S100A9: variants seen among roughly 807,000 people sequenced by gnomAD.
The protein encoded by S100A9 is protein S100-A9.
A neutral mutation model predicts 4.3 loss-of-function variants in S100A9; 2 were observed. That is an observed-to-expected ratio of 0.47 (90% CI 0.19 to 1.48). The LOEUF is 1.48. Among genes scored for constraint, S100A9 ranks in the 40% most tolerant of loss-of-function variants. The probability of loss-of-function intolerance (pLI) is 0.24; values close to 1 mark genes in which losing one functional copy is unlikely to be tolerated. For missense variants in S100A9, 130 were observed against 144.4 expected, an observed-to-expected ratio of 0.90 and a Z score of 0.51; for synonymous variants, 67 against 54.0, an observed-to-expected ratio of 1.24 and a Z score of -1.06.
chr1:153,360,280 A>G (rs1309731283), intron 2 of S100A9, among the ~76,000 whole-genome samples: 1 of 152,144 alleles, frequency 6.6e-6, no homozygotes, highest in African/African-American at 2.4e-5. Flanking sequence ...GACTGGTTTC[A>G]AGTCTTCCTC....
intron 2 of S100A9, among the ~76,000 whole-genome samples, chr1:153,359,059 C>A (rs1473999618): frequency 6.6e-6 from 1 of 152,104 alleles, no homozygotes; most frequent in Non-Finnish European, 1.5e-5. Flanking sequence ...GCACAGCACT[C>A]AGGGAACTGG....
intron 2 of S100A9, among the ~76,000 whole-genome samples, chr1:153,359,527 C>T (rs1661407675): frequency 6.6e-6 from 1 of 151,966 alleles, no homozygotes; most frequent in Admixed American, 6.5e-5. Context: ...GGATGGGCTG[C>T]ACAGGAGAGT....
At chr1:153,360,584 G>A in intron 2 of S100A9, 60 bp from the exon 3 acceptor site, 1 of 1,134,190 alleles carries the variant, frequency 8.8e-7, no homozygotes, top group Non-Finnish European at 1.3e-6. Context: ...CATTTACTGT[G>A]CTCCCAGTCC....
intron 2 of S100A9, among the ~76,000 whole-genome samples, chr1:153,359,476 A>G (rs1452436143): frequency 2.6e-5 from 4 of 151,758 alleles, no homozygotes; most frequent in Admixed American, 2.6e-4. Context: ...ATCCCCCACC[A>G]GAAGCAAAGC....
At chr1:153,360,063 C>T (rs1271756049) in intron 2 of S100A9, among the ~76,000 whole-genome samples, 1 of 152,054 alleles carries the variant, frequency 6.6e-6, no homozygotes, top group African/African-American at 2.4e-5. Flanking sequence ...CTCCATCTCC[C>T]CTGCCCACAC....
At chr1:153,359,351 G>A (rs1466165654) in intron 2 of S100A9, among the ~76,000 whole-genome samples, 1 of 152,050 alleles carries the variant, frequency 6.6e-6, no homozygotes, top group African/African-American at 2.4e-5. Context: ...ATAGGTGGAG[G>A]CCTCAGGCAG....
At chr1:153,360,293 G>A (rs1661424203) in intron 2 of S100A9, among the ~76,000 whole-genome samples, 1 of 152,098 alleles carries the variant, frequency 6.6e-6, no homozygotes, top group African/African-American at 2.4e-5. Flanking sequence ...TCTTCCTCCA[G>A]GAAGATACCA....
Position 153,360,845 on chromosome 1 carries a change from A to G in S100A9, c.*7A>G. Reference sequence around the variant, plus strand: ...CGGGGAGGGCACCCCCTAAGACCACAGTGGCCAAGATCACAGTGGCCACGG... The same window carrying G: ...CGGGGAGGGCACCCCCTAAGACCACGGTGGCCAAGATCACAGTGGCCACGG... On this transcript the variant is annotated 3_prime_UTR_variant, in exon 3 of 3. Coordinates refer to ENST00000368738, the MANE Select transcript of S100A9 (RefSeq NM_002965.4). 1 of 1,584,486 alleles carries G rather than the reference A, an allele frequency of 6.3e-7. No individual in the cohort carries two copies. Among genetic ancestry groups the G allele is most frequent in the Non-Finnish European group, 8.6e-7 (1 of 1,163,846 alleles).
In S100A9 at chr1:153,359,394, C is replaced by T. The variant is rs963666688; in HGVS notation, c.150+961C>T. 2.0e-5 allele frequency among the ~76,000 whole-genome samples: 3 copies of T among 152,150 alleles called. No individual in the cohort carries two copies. The East Asian group carries it at 5.8e-4, about 29-fold the overall frequency. On this transcript the variant is annotated intron_variant, in intron 2 of 2. Transcript: ENST00000368738. ...GCTGGGTGGGGTAGGCAAGAAAGGG[C>T]CCAGCAGAGAGGCCGCATGGCAAAA...
chr1:153,360,555 T>C lies in S100A9; in HGVS notation c.151-89T>C, dbSNP rs949885963. ...TCCAGCCCCAGGGTGAGGCTTCCCT[T>C]GTACATTTGCCAGCTGGTCATTTAC... On this transcript the variant is annotated intron_variant, in intron 2 of 2. Transcript: ENST00000368738. 9.4e-6 allele frequency: 8 copies of C among 854,158 alleles called. No homozygotes were observed. The African/African-American group carries it at 1.4e-4, about 15-fold the overall frequency. The allele number at this position is 854,158 out of a possible 1,614,324, so 52.9% of individuals were successfully genotyped here. A position where few individuals can be genotyped will look rare whatever the true frequency, so the allele number is the denominator to read the frequency against.
At chr1:153,360,574 C>A in intron 2 of S100A9, 70 bp from the exon 3 acceptor site, 2 of 1,027,750 alleles carry the variant, frequency 1.9e-6, no homozygotes, top group South Asian at 1.5e-5. Flanking sequence ...GCCAGCTGGT[C>A]ATTTACTGTG....
intron 2 of S100A9, among the ~76,000 whole-genome samples, chr1:153,360,316 A>G (rs1327966162): frequency 6.6e-6 from 1 of 152,066 alleles, no homozygotes; most frequent in Non-Finnish European, 1.5e-5. Flanking sequence ...CCTAGCTGTT[A>G]AAGTTGTTAT....
chr1:153,359,434 AC>A (rs1187771169), intron 2 of S100A9, among the ~76,000 whole-genome samples: 2 of 151,740 alleles, frequency 1.3e-5, no homozygotes, highest in Non-Finnish European at 2.9e-5. Context: ...CCTCCATGTG[AC>A]CCCCTATGCC....
At chr1:153,359,251 G>A (rs1039954468) in intron 2 of S100A9, among the ~76,000 whole-genome samples, 1 of 152,132 alleles carries the variant, frequency 6.6e-6, no homozygotes, top group African/African-American at 2.4e-5. Context: ...ACATCCTGGG[G>A]TAGGTCCCCA....
intron 2 of S100A9, 138 bp from the exon 3 acceptor site, chr1:153,360,506 C>A: frequency 1.6e-6 from 1 of 618,372 alleles, no homozygotes; most frequent in Middle Eastern, 3.4e-4. Flanking sequence ...CGCACTCAGC[C>A]TATGGTCATT....
intron 2 of S100A9, among the ~76,000 whole-genome samples, chr1:153,359,895 G>A (rs983231517): frequency 1.3e-5 from 2 of 151,862 alleles, no homozygotes; most frequent in Admixed American, 1.3e-4. Context: ...CTCCATGTTG[G>A]TCAGGCTGGT....
intron 2 of S100A9, 28 bp downstream of exon 2, chr1:153,358,461 C>G: frequency 6.5e-7 from 1 of 1,543,858 alleles, no homozygotes; most frequent in African/African-American, 1.4e-5. Flanking sequence ...CAGGTCTGAC[C>G]CAGCCTCACC....
Position 153,358,343 on chromosome 1 carries a change from C to G in S100A9, c.60C>G (p.His20Gln). ...TAGAGACCATCATCAACACCTTCCA[C>G]CAATACTCTGTGAAGCTGGGGCACC... ...RNIETIINTF[H>Q]QYSVKLGHPD... is the part of the protein sequence containing the mutation. The change falls in exon 2 of 3, where the codon CAC (histidine) becomes CAG (glutamine). Residue 20 changes from histidine (H) to glutamine (Q), a missense_variant. Transcript: ENST00000368738. The G allele has an allele frequency of 1.9e-6, 3 of 1,613,226 alleles. No individual in the cohort carries two copies. Among genetic ancestry groups the G allele is most frequent in the Non-Finnish European group, 2.5e-6 (3 of 1,179,372 alleles).
chr1:153,358,247 C>T, intron 1 of S100A9, 22 bp from the exon 2 acceptor site: 1 of 1,500,300 alleles, frequency 6.7e-7, no homozygotes, highest in East Asian at 2.3e-5. Context: ...AGTGTCCCAA[C>T]TCTTGGTTTT....
Sources: gnomAD v4.1 joint callset for allele counts (sites outside exome capture counted in the v4.1 genomes callset) on GRCh38, gnomAD v4.1.1 for gene constraint, MANE v1.5 for transcripts, NCBI Gene and HGNC (gene_info 2026-07-23, HGNC 2026-07-21) for gene names.